INS: variants seen among roughly 807,000 people sequenced by gnomAD.
INS encodes insulin.
Under a neutral mutation model 10.5 loss-of-function variants are expected in INS, and 6 were observed. The ratio of observed to expected loss-of-function variants is 0.57; its 90% CI spans 0.31 to 1.13. The LOEUF (loss-of-function observed/expected upper bound fraction) is 1.13. INS is among the 50% of genes most tolerant of loss of function. The pLI is 0.05. For missense variants in INS, 109 were observed against 138.6 expected, an observed-to-expected ratio of 0.79 and a Z score of 1.07; for synonymous variants, 71 against 62.7, an observed-to-expected ratio of 1.13 and a Z score of -0.63.
rs535989053 is a variant in INS at position 2,160,968 on chromosome 11, C to T, written c.4G>A (p.Ala2Thr). The T allele has an allele frequency of 1.9e-5, 30 of 1,612,254 alleles. No individual in the cohort carries two copies. In the East Asian group the frequency reaches 5.1e-4, roughly 28 times the overall value. The part of the protein sequence containing the change: M[A>T]LWMRLLPLLA... ...AGGGGCAGGAGGCGCATCCACAGGGCCATGGCAGAAGGACAGTGATCTGGG... is the reference window on the plus strand; with the variant it reads ...AGGGGCAGGAGGCGCATCCACAGGGTCATGGCAGAAGGACAGTGATCTGGG... The change falls in exon 2 of 3, where the codon GCC (alanine) becomes ACC (threonine). Residue 2 changes from alanine (A) to threonine (T), a missense_variant. Ala to Thr is a moderately conservative substitution (Grantham distance 58, BLOSUM62 0). This residue lies in a region of INS where 108 missense variants were observed against 118.0 expected (regional missense o/e 0.92). Transcript: ENST00000381330.
Position 2,161,005 on chromosome 11 carries a change from G to T in INS, c.-17-17C>A, listed in dbSNP as rs200371131. The T allele has an allele frequency of 5.6e-6, 9 of 1,606,024 alleles. No individual in the cohort carries two copies. The highest frequency in any genetic ancestry group is 3.7e-4 in the Middle Eastern group (2 of 5,342). Reference sequence around the variant, plus strand: ...GACAGTGATCTGGGAGACAGGCAGGGCTGAGGCAGGCTGAAGGCCAGGTGC... The same window carrying T: ...GACAGTGATCTGGGAGACAGGCAGGTCTGAGGCAGGCTGAAGGCCAGGTGC... On this transcript the variant is annotated splice_polypyrimidine_tract_variant and intron_variant, in intron 1 of 2. Transcript: ENST00000381330.
rs1441694043 is a variant in INS at position 2,159,834 on chromosome 11, G to A, written c.*18C>T. 1.2e-6 allele frequency: 2 copies of A among 1,609,836 alleles called. No homozygotes were observed. The highest frequency in any genetic ancestry group is 1.7e-5 in the Admixed American group (1 of 59,676). On this transcript the variant is annotated 3_prime_UTR_variant, in exon 3 of 3. Coordinates refer to ENST00000381330, the MANE Select transcript of INS (RefSeq NM_000207.3). ...CGGTGCAGGAGGCGGCGGGTGTGGG[G>A]CTGCCTGCGGGCTGCGTCTAGTTGC...
At chr11:2,160,375 C>T (rs550216244) in intron 2 of INS, among the ~76,000 whole-genome samples, 9 of 152,342 alleles carry the variant, frequency 5.9e-5, no homozygotes, top group Non-Finnish European at 1.2e-4. Flanking sequence ...CGCCCTCCTC[C>T]GGGCGTGATG....
At chr11:2,160,583 C>T (rs1434791320) in intron 2 of INS, among the ~76,000 whole-genome samples, 3 of 152,148 alleles carry the variant, frequency 2.0e-5, no homozygotes, top group South Asian at 2.1e-4. Context: ...AAGCCAACAC[C>T]GTCCTCAGGC....
chr11:2,160,897 A>G lies in INS; in HGVS notation c.75T>C (p.Phe25=). The change falls in exon 2 of 3, where the codon TTT becomes TTC. Residue 25 remains phenylalanine, a synonymous_variant. Transcript: ENST00000381330. The part of the protein sequence containing the change: ...ALWGPDPAAA[F]VNQHLCGSHL... ...GTGAGCCGCACAGGTGTTGGTTCAC[A>G]AAGGCTGCGGCTGGGTCAGGTCCCC... 2 of 1,612,684 alleles carry G rather than the reference A, an allele frequency of 1.2e-6. No individual in the cohort carries two copies. The highest frequency in any genetic ancestry group is 1.7e-6 in the Non-Finnish European group (2 of 1,179,838).
chr11:2,160,997 C>T lies in INS; in HGVS notation c.-17-9G>A. On this transcript the variant is annotated splice_polypyrimidine_tract_variant and intron_variant, in intron 1 of 2. Transcript: ENST00000381330. Reference sequence around the variant, plus strand: ...GGCAGAAGGACAGTGATCTGGGAGACAGGCAGGGCTGAGGCAGGCTGAAGG... The same window carrying T: ...GGCAGAAGGACAGTGATCTGGGAGATAGGCAGGGCTGAGGCAGGCTGAAGG... 6.2e-7 allele frequency: 1 copy of T among 1,609,924 alleles called. No individual in the cohort carries two copies. The highest frequency in any genetic ancestry group is 8.5e-7 in the Non-Finnish European group (1 of 1,179,184).
chr11:2,161,059 C>T (rs973848108), intron 1 of INS, 71 bp from the exon 2 acceptor site: 1 of 1,519,102 alleles, frequency 6.6e-7, no homozygotes, highest in African/African-American at 1.4e-5. Flanking sequence ...GGCTCACCCC[C>T]ACATGCTTCA....
Position 2,160,015 on chromosome 11 carries a change from G to A in INS, c.188-18C>T, listed in dbSNP as rs41275200. The A allele has an allele frequency of 3.8e-5, 60 of 1,570,550 alleles. No individual in the cohort carries two copies. Among genetic ancestry groups the A allele is most frequent in the South Asian group, 1.0e-4 (9 of 86,262 alleles). Reference sequence around the variant, plus strand: ...CTGCCCCACTGCCAGGACGTGCCGCGCAGAGCAGGTTCCGGAACAGCGGCG... The same window carrying A: ...CTGCCCCACTGCCAGGACGTGCCGCACAGAGCAGGTTCCGGAACAGCGGCG... On this transcript the variant is annotated intron_variant, in intron 2 of 2. Coordinates refer to ENST00000381330, the MANE Select transcript of INS (RefSeq NM_000207.3).
At chr11:2,161,118 G>T in intron 1 of INS, 50 bp downstream of exon 1, 2 of 1,220,658 alleles carry the variant, frequency 1.6e-6, no homozygotes, top group Admixed American at 2.5e-5. Context: ...CTGGGGTCCA[G>T]CCACCCTGGA....
In INS at chr11:2,159,842, C is replaced by A; in HGVS notation, c.*10G>T. ...GAGGCGGCGGGTGTGGGGCTGCCTGCGGGCTGCGTCTAGTTGCAGTAGTTC... is the reference window on the plus strand; with the variant it reads ...GAGGCGGCGGGTGTGGGGCTGCCTGAGGGCTGCGTCTAGTTGCAGTAGTTC... On this transcript the variant is annotated 3_prime_UTR_variant, in exon 3 of 3. Coordinates refer to ENST00000381330, the MANE Select transcript of INS (RefSeq NM_000207.3). 4 of 1,610,430 alleles carry A rather than the reference C, an allele frequency of 2.5e-6. No homozygotes were observed. The highest frequency in any genetic ancestry group is 3.4e-6 in the Non-Finnish European group (4 of 1,179,064).
chr11:2,160,893 TCA>T lies in INS; in HGVS notation c.77_78del (p.Val26GlufsTer?). 1 of 1,612,616 alleles carries T rather than the reference TCA, an allele frequency of 6.2e-7. No homozygotes were observed. ...LWGPDPAAAF[V>X]NQHLCGSHLV... Reference sequence around the variant, plus strand: ...AGGTGTGAGCCGCACAGGTGTTGGTTCACAAAGGCTGCGGCTGGGTCAGGTCC... The same window carrying T: ...AGGTGTGAGCCGCACAGGTGTTGGTTCAAAGGCTGCGGCTGGGTCAGGTCC... On this transcript the variant is annotated frameshift_variant, in exon 2 of 3. Transcript: ENST00000381330. LOFTEE classifies it high-confidence loss of function.
chr11:2,159,815 A>T lies in INS; in HGVS notation c.*37T>A. The T allele has an allele frequency of 6.2e-7, 1 of 1,605,688 alleles. No homozygotes were observed. Among genetic ancestry groups the T allele is most frequent in the Non-Finnish European group, 8.5e-7 (1 of 1,176,472 alleles). On this transcript the variant is annotated 3_prime_UTR_variant, in exon 3 of 3. Coordinates refer to ENST00000381330, the MANE Select transcript of INS (RefSeq NM_000207.3). ...GGCTTTATTCCATCTCTCTCGGTGC[A>T]GGAGGCGGCGGGTGTGGGGCTGCCT...
Position 2,160,771 on chromosome 11 carries a change from G to C in INS, c.187+14C>G. On this transcript the variant is annotated intron_variant, in intron 2 of 2. Transcript: ENST00000381330. ...CTGGGGGCGGCCAGGGGCAGCAATG[G>C]GCAGTTGGCTCACCCTGCAGGTCCT... The C allele has an allele frequency of 6.2e-7, 1 of 1,610,552 alleles. No homozygotes were observed.
At position 2,159,844 on chromosome 11, in the gene INS, G is replaced by C. The variant is rs1845837695; in HGVS notation, c.*8C>G. On this transcript the variant is annotated 3_prime_UTR_variant, in exon 3 of 3. Coordinates refer to ENST00000381330, the MANE Select transcript of INS (RefSeq NM_000207.3). ...GGCGGCGGGTGTGGGGCTGCCTGCGGGCTGCGTCTAGTTGCAGTAGTTCTC... is the reference window on the plus strand; with the variant it reads ...GGCGGCGGGTGTGGGGCTGCCTGCGCGCTGCGTCTAGTTGCAGTAGTTCTC... The C allele has an allele frequency of 6.2e-7, 1 of 1,610,888 alleles. No homozygotes were observed. The highest frequency in any genetic ancestry group is 8.5e-7 in the Non-Finnish European group (1 of 1,179,288).
Position 2,160,008 on chromosome 11 carries a change from G to T in INS, c.188-11C>A, listed in dbSNP as rs201659391. On this transcript the variant is annotated splice_polypyrimidine_tract_variant and intron_variant, in intron 2 of 2. Coordinates refer to ENST00000381330, the MANE Select transcript of INS (RefSeq NM_000207.3). ...GCTCCACCTGCCCCACTGCCAGGAC[G>T]TGCCGCGCAGAGCAGGTTCCGGAAC... The T allele has an allele frequency of 1.9e-6, 3 of 1,574,900 alleles. No individual in the cohort carries two copies. Among genetic ancestry groups the T allele is most frequent in the African/African-American group, 1.3e-5 (1 of 74,532 alleles).
chr11:2,159,786 C>T lies in INS; in HGVS notation c.*66G>A, dbSNP rs1436894649. On this transcript the variant is annotated 3_prime_UTR_variant, in exon 3 of 3. Coordinates refer to ENST00000381330, the MANE Select transcript of INS (RefSeq NM_000207.3). ...CACAGACGGCACAGCAGGGCTGGTT[C>T]AAGGGCTTTATTCCATCTCTCTCGG... 6.4e-7 allele frequency: 1 copy of T among 1,566,908 alleles called. No individual in the cohort carries two copies.
chr11:2,161,097 A>AGCAGG, intron 1 of INS, 71 bp downstream of exon 1: 1 of 1,364,042 alleles, frequency 7.3e-7, no homozygotes, highest in Non-Finnish European at 9.9e-7. Flanking sequence ...TCCCTGCTGC[A>AGCAGG]GAGCTGGGGC....
In INS at chr11:2,159,976, C is replaced by T; in HGVS notation, c.209G>A (p.Gly70Glu). The T allele has an allele frequency of 6.3e-7, 1 of 1,587,668 alleles. No individual in the cohort carries two copies. The highest frequency in any genetic ancestry group is 2.3e-5 in the East Asian group (1 of 43,928). Residue 70 changes from glycine (G) to glutamate (E), a missense_variant, in exon 3 of 3, where the codon GGG (glycine) becomes GAG (glutamate). Physicochemically the swap from Gly to Glu is moderately conservative, Grantham distance 98. Around this residue, in one of 2 missense-constraint regions of INS, gnomAD observed 108 missense variants for 118.0 expected, o/e 0.92. Coordinates refer to ENST00000381330, the MANE Select transcript of INS (RefSeq NM_000207.3). ...DLQVGQVELG[G>E]GPGAGSLQPL... ...CTGCAGGCTGCCTGCACCAGGGCCC[C>T]CGCCCAGCTCCACCTGCCCCACTGC...
intron 2 of INS, among the ~76,000 whole-genome samples, chr11:2,160,319 C>T (rs368340312): frequency 2.0e-5 from 3 of 152,344 alleles, no homozygotes; most frequent in East Asian, 1.9e-4. Context: ...ATGGAGCTGC[C>T]GTGAGGCCTG....
Sources: allele counts gnomAD v4.1 joint callset (sites outside exome capture counted in the v4.1 genomes callset), GRCh38; gene constraint gnomAD v4.1.1; regional missense constraint gnomAD v4.1.1; transcripts MANE v1.5; gene names NCBI Gene and HGNC (gene_info 2026-07-23, HGNC 2026-07-21).